GALNTL6: variants seen among roughly 807,000 people sequenced by gnomAD.
The protein encoded by GALNTL6 is polypeptide N-acetylgalactosaminyltransferase-like 6.
GALNTL6 carries 46 observed loss-of-function variants against 73.7 expected under a neutral mutation model. That is an observed-to-expected ratio of 0.62 (90% CI 0.49 to 0.80). The LOEUF (loss-of-function observed/expected upper bound fraction) is 0.80, where lower values mean the gene tolerates loss of function less well. Among genes scored for constraint, GALNTL6 ranks in the 30% least tolerant of loss-of-function variants. The pLI is 0.00. For synonymous variants in GALNTL6, 259 were observed against 263.7 expected (o/e 0.98, Z 0.17); for missense variants, 604 against 755.0 (o/e 0.80, Z 2.34).
intron 2 of GALNTL6, among the ~76,000 whole-genome samples, chr4:172,154,810 A>G (rs1337941282): frequency 6.6e-6 from 1 of 152,152 alleles, no homozygotes; most frequent in African/African-American, 2.4e-5. Flanking sequence ...AGGAAGAAAC[A>G]TTTTTTGAAA....
At chr4:172,470,634 A>G (rs1733010764) in intron 5 of GALNTL6, among the ~76,000 whole-genome samples, 1 of 152,222 alleles carries the variant, frequency 6.6e-6, no homozygotes, top group South Asian at 2.1e-4. Flanking sequence ...ATGGATTTTG[A>G]CAACCGTGCT....
At chr4:171,869,406 A>G (rs7666914) in intron 2 of GALNTL6, among the ~76,000 whole-genome samples, 32,825 of 152,076 alleles carry the variant, frequency 0.22, 5,599 homozygotes, top group African/African-American at 0.46. Flanking sequence ...CTTCTTTTGC[A>G]GCTTTTTTGT....
intron 6 of GALNTL6, among the ~76,000 whole-genome samples, chr4:172,810,483 A>G (rs1454589458): frequency 6.6e-6 from 1 of 152,222 alleles, no homozygotes; most frequent in Non-Finnish European, 1.5e-5. Context: ...CCTTGGAACT[A>G]AAGTCACTAG....
At chr4:172,722,569 G>T (rs1735543612) in intron 5 of GALNTL6, among the ~76,000 whole-genome samples, 1 of 151,800 alleles carries the variant, frequency 6.6e-6, no homozygotes, top group African/African-American at 2.4e-5. Context: ...TTTTTAAAAT[G>T]CATGTGAATA....
At chr4:172,585,897 CAT>C (rs1347342637) in intron 5 of GALNTL6, among the ~76,000 whole-genome samples, 2 of 151,630 alleles carry the variant, frequency 1.3e-5, no homozygotes, top group African/African-American at 2.4e-5. Flanking sequence ...GACCAACAAA[CAT>C]ATGAAAAAAA....
At chr4:172,772,495 T>C (rs1738828897) in intron 5 of GALNTL6, among the ~76,000 whole-genome samples, 1 of 152,160 alleles carries the variant, frequency 6.6e-6, no homozygotes, top group South Asian at 2.1e-4. Flanking sequence ...TTATAGGATA[T>C]ATATGTTTCC....
chr4:171,894,648 C>T (rs972524389), intron 2 of GALNTL6, among the ~76,000 whole-genome samples: 3 of 152,146 alleles, frequency 2.0e-5, no homozygotes, highest in Admixed American at 6.5e-5. Flanking sequence ...TGGCAGAAGC[C>T]ACCCAACCTG....
At chr4:171,888,992 T>C (rs937196829) in intron 2 of GALNTL6, among the ~76,000 whole-genome samples, 55 of 152,102 alleles carry the variant, frequency 3.6e-4, no homozygotes, top group Admixed American at 1.2e-3. Flanking sequence ...TCCTTCTTGA[T>C]CCACACTTCA....
intron 2 of GALNTL6, among the ~76,000 whole-genome samples, chr4:172,176,337 C>A (rs1484273908): frequency 1.8e-3 from 56 of 31,358 alleles, no homozygotes; most frequent in African/African-American, 5.2e-3. Context: ...GACTCCGTCT[C>A]AAAAAAAAAA....
chr4:172,235,180 T>G (rs796726015), intron 3 of GALNTL6, among the ~76,000 whole-genome samples: 1 of 152,124 alleles, frequency 6.6e-6, no homozygotes, highest in Non-Finnish European at 1.5e-5. Flanking sequence ...TTTTGCTTTC[T>G]TAATCTATTT....
chr4:171,988,558 A>T lies in GALNTL6; in HGVS notation c.138+173840A>T, dbSNP rs957920697. Among the ~76,000 whole-genome samples the T allele has an allele frequency of 2.0e-5, 3 of 152,238 alleles. No homozygotes were observed. In the East Asian group the frequency reaches 5.8e-4, roughly 30 times the overall value. On this transcript the variant is annotated intron_variant, in intron 2 of 12. Transcript: ENST00000506823. ...TGGATTGTGGAGGGAGGTATTGAGG[A>T]TAGGAGAGTATATGGGTTTGGCACC...
At chr4:171,963,657 T>A (rs1739297085) in intron 2 of GALNTL6, among the ~76,000 whole-genome samples, 1 of 152,326 alleles carries the variant, frequency 6.6e-6, no homozygotes, top group African/African-American at 2.4e-5. Context: ...GTAACCTAAA[T>A]GTAAATCGCT....
At position 172,576,777 on chromosome 4, in the gene GALNTL6, A is replaced by G. The variant is rs1434322616; in HGVS notation, c.553+228088A>G. On this transcript the variant is annotated intron_variant, in intron 5 of 12. Coordinates refer to ENST00000506823, the MANE Select transcript of GALNTL6 (RefSeq NM_001034845.3). ...TAAGAAAAAGCCTAATAAGGAAACTATTGTCTCAATAGATTCTGAGGACAA... is the reference window on the plus strand; with the variant it reads ...TAAGAAAAAGCCTAATAAGGAAACTGTTGTCTCAATAGATTCTGAGGACAA... Among the ~76,000 whole-genome samples, 4 of 152,164 alleles carry G rather than the reference A, an allele frequency of 2.6e-5. No individual in the cohort carries two copies. The East Asian group carries it at 7.7e-4, about 29-fold the overall frequency.
At chr4:171,886,837 T>C (rs1736621165) in intron 2 of GALNTL6, among the ~76,000 whole-genome samples, 1 of 152,082 alleles carries the variant, frequency 6.6e-6, no homozygotes, top group Non-Finnish European at 1.5e-5. Context: ...GGAGAGAATA[T>C]AATAATCCAG....
At chr4:172,264,462 T>C (rs1738363727) in intron 3 of GALNTL6, among the ~76,000 whole-genome samples, 1 of 101,094 alleles carries the variant, frequency 9.9e-6, no homozygotes, top group African/African-American at 4.8e-5. Context: ...TGGCATAATA[T>C]ATTCCAAATA....
chr4:171,842,824 G>T (rs1260981937), intron 2 of GALNTL6, among the ~76,000 whole-genome samples: 1 of 152,112 alleles, frequency 6.6e-6, no homozygotes. Flanking sequence ...ATGAGATTTG[G>T]AGGGCACAAA....
At chr4:172,535,286 T>C (rs1735308146) in intron 5 of GALNTL6, among the ~76,000 whole-genome samples, 1 of 152,214 alleles carries the variant, frequency 6.6e-6, no homozygotes, top group Non-Finnish European at 1.5e-5. Context: ...AGAATCATCT[T>C]TGCATTGGTA....
chr4:172,177,860 C>CACACATATATGTGTGTGTATAT (rs1735097513), intron 2 of GALNTL6, among the ~76,000 whole-genome samples: 2 of 142,860 alleles, frequency 1.4e-5, no homozygotes, highest in Non-Finnish European at 3.1e-5. Context: ...TATATACACA[C>CACACATATATGTGTGTGTATAT]ATACTAAGGC....
intron 5 of GALNTL6, among the ~76,000 whole-genome samples, chr4:172,684,201 C>T (rs535967454): frequency 1.3e-5 from 2 of 152,246 alleles, no homozygotes; most frequent in South Asian, 4.2e-4. Context: ...CAGTTGCTCA[C>T]CTTCTTATAA....
Sources: gnomAD v4.1 joint callset for allele counts (sites outside exome capture counted in the v4.1 genomes callset) on GRCh38, gnomAD v4.1.1 for gene constraint, MANE v1.5 for transcripts, NCBI Gene and HGNC (gene_info 2026-07-23, HGNC 2026-07-21) for gene names.